SUSD3: variants seen among roughly 807,000 people sequenced by gnomAD.
SUSD3 encodes the protein sushi domain containing 3.
Under a neutral mutation model 20.6 loss-of-function variants are expected in SUSD3, and 18 were observed. The ratio of observed to expected loss-of-function variants is 0.87; its 90% CI spans 0.60 to 1.30. The LOEUF is 1.30. Ranked by LOEUF, SUSD3 falls within the 50% of genes most tolerant of loss-of-function variation. The pLI is 0.00. For missense variants in SUSD3, 306 were observed against 346.9 expected (o/e 0.88, Z 0.94); for synonymous variants, 137 against 141.5 (o/e 0.97, Z 0.23).
In SUSD3 at chr9:93,069,788, C is replaced by CT. The variant is rs1041859637; in HGVS notation, c.89-5987dup. Among the ~76,000 whole-genome samples, 259 of 145,066 alleles carry CT rather than the reference C, an allele frequency of 1.8e-3. 2 individuals carry two copies. Among genetic ancestry groups the CT allele is most frequent in the African/African-American group, 6.1e-3 (241 of 39,320 alleles). Reference sequence around the variant, plus strand: ...TGTTTTACTTCTTCCTTTTTTTTTTCTTTTTTTTTGAGATGGAGTCTCACT... The same window carrying CT: ...TGTTTTACTTCTTCCTTTTTTTTTTCTTTTTTTTTTGAGATGGAGTCTCACT... On this transcript the variant is annotated intron_variant, in intron 1 of 4. Transcript: ENST00000375472.
intron 1 of SUSD3, among the ~76,000 whole-genome samples, chr9:93,071,554 G>A (rs1825912425): frequency 6.6e-6 from 1 of 152,142 alleles, no homozygotes. Context: ...GATTAAGGGT[G>A]GGTCTGCTTC....
rs1196437749 is a variant in SUSD3 at position 93,058,718 on chromosome 9, C to G, written c.-25C>G. The G allele has an allele frequency of 1.2e-5, 15 of 1,225,448 alleles. No individual in the cohort carries two copies. The highest frequency in any genetic ancestry group is 3.1e-4 in the Middle Eastern group (1 of 3,210). 75.9% of individuals were successfully genotyped at this position (1,225,448 alleles called of 1,614,324 possible). ...CCGGGCTCACTCCCCTGGCAGACCC[C>G]GCCAAGCGCCTCGGAGCGCGCAGGA... On this transcript the variant is annotated 5_prime_UTR_variant, in exon 1 of 5. Coordinates refer to ENST00000375472, the MANE Select transcript of SUSD3 (RefSeq NM_145006.4).
intron 4 of SUSD3, among the ~76,000 whole-genome samples, chr9:93,081,532 T>C (rs1826413858): frequency 6.6e-6 from 1 of 152,084 alleles, no homozygotes; most frequent in Non-Finnish European, 1.5e-5. Context: ...GGGTGAGAGC[T>C]CATTGAATAC....
intron 1 of SUSD3, among the ~76,000 whole-genome samples, chr9:93,071,756 T>C (rs1825920372): frequency 6.6e-6 from 1 of 152,172 alleles, no homozygotes; most frequent in African/African-American, 2.4e-5. Flanking sequence ...GACTGCTCCC[T>C]GGAGGGCAGG....
intron 1 of SUSD3, among the ~76,000 whole-genome samples, chr9:93,067,001 C>T (rs1825744241): frequency 6.6e-6 from 1 of 152,158 alleles, no homozygotes; most frequent in Non-Finnish European, 1.5e-5. Flanking sequence ...AGCCACCATA[C>T]CCAGCCACTC....
At chr9:93,079,443 G>C in intron 3 of SUSD3, 28 bp from the exon 4 acceptor site, 1 of 1,612,178 alleles carries the variant, frequency 6.2e-7, no homozygotes, top group Non-Finnish European at 8.5e-7. Flanking sequence ...TGCATGCTCA[G>C]AGTCCTTCCT....
At chr9:93,081,900 T>G (rs1826430506) in intron 4 of SUSD3, among the ~76,000 whole-genome samples, 1 of 152,232 alleles carries the variant, frequency 6.6e-6, no homozygotes, top group Admixed American at 6.5e-5. Context: ...AGTGTCTTTT[T>G]GCTTAGTGCT....
chr9:93,074,834 C>G (rs1451858607), intron 1 of SUSD3, among the ~76,000 whole-genome samples: 3 of 151,988 alleles, frequency 2.0e-5, no homozygotes, highest in Non-Finnish European at 4.4e-5. Context: ...AGGATGGTCT[C>G]AATCCCCGAC....
intron 1 of SUSD3, among the ~76,000 whole-genome samples, chr9:93,065,722 T>C (rs1564185925): frequency 6.6e-6 from 1 of 152,254 alleles, no homozygotes; most frequent in East Asian, 1.9e-4. Context: ...AGCAAAGTGG[T>C]CCCTGGCCCT....
intron 3 of SUSD3, among the ~76,000 whole-genome samples, chr9:93,079,179 C>T (rs574148547): frequency 2.4e-4 from 36 of 152,298 alleles, no homozygotes; most frequent in African/African-American, 7.0e-4. Context: ...TAGCACTGTC[C>T]AGCCCTAGAA....
chr9:93,059,646 G>A (rs1246990944), intron 1 of SUSD3, among the ~76,000 whole-genome samples: 1 of 152,162 alleles, frequency 6.6e-6, no homozygotes, highest in Non-Finnish European at 1.5e-5. Context: ...GGTTCTGGGC[G>A]TCTCAGGCGT....
chr9:93,064,334 CCG>C (rs1825625200), intron 1 of SUSD3, among the ~76,000 whole-genome samples: 2 of 152,208 alleles, frequency 1.3e-5, no homozygotes, highest in Non-Finnish European at 2.9e-5. Flanking sequence ...GCGTGAGCCA[CCG>C]CACCCAGCCG....
At chr9:93,083,016 C>T (rs960890882) in intron 4 of SUSD3, among the ~76,000 whole-genome samples, 16 of 152,198 alleles carry the variant, frequency 1.1e-4, no homozygotes, top group African/African-American at 2.9e-4. Flanking sequence ...GTGTGCGTCC[C>T]GTCCAAGAGT....
chr9:93,063,077 A>G (rs927138355), intron 1 of SUSD3, among the ~76,000 whole-genome samples: 4 of 152,186 alleles, frequency 2.6e-5, no homozygotes, highest in Admixed American at 6.5e-5. Context: ...CATCTGGAAA[A>G]TGGAGCCAGC....
chr9:93,068,338 T>G (rs888723733), intron 1 of SUSD3, among the ~76,000 whole-genome samples: 1 of 152,228 alleles, frequency 6.6e-6, no homozygotes, highest in African/African-American at 2.4e-5. Context: ...GCTCTTACTT[T>G]TAGGTCTTTG....
chr9:93,077,761 C>T (rs145123877), intron 2 of SUSD3, 85 bp from the exon 3 acceptor site: 20,874 of 1,503,852 alleles, frequency 0.014, 198 homozygotes, highest in Non-Finnish European at 0.017. Context: ...AGGCCCTACC[C>T]GTACCACCCC....
chr9:93,070,347 A>G (rs566030168), intron 1 of SUSD3, among the ~76,000 whole-genome samples: 2 of 152,306 alleles, frequency 1.3e-5, no homozygotes, highest in East Asian at 3.9e-4. Flanking sequence ...TATTCTATCC[A>G]TACATGCATT....
intron 1 of SUSD3, among the ~76,000 whole-genome samples, chr9:93,059,097 GGC>G (rs1825401979): frequency 6.6e-6 from 1 of 152,170 alleles, no homozygotes; most frequent in Non-Finnish European, 1.5e-5. Context: ...CTTGGTCCCG[GGC>G]GTCTGCGGAC....
chr9:93,069,149 G>C, intron 1 of SUSD3: 1 of 702,760 alleles, frequency 1.4e-6, no homozygotes, highest in Non-Finnish European at 2.6e-6. Context: ...GAGATAATTT[G>C]TAAGTTTTAC....
Sources: gnomAD v4.1 joint callset for allele counts (sites outside exome capture counted in the v4.1 genomes callset) on GRCh38, gnomAD v4.1.1 for gene constraint, MANE v1.5 for transcripts, NCBI Gene and HGNC (gene_info 2026-07-23, HGNC 2026-07-21) for gene names.